The following KCNN2 variants were observed in gnomAD, a reference collection of about 807,000 sequenced individuals.
KCNN2 encodes small conductance calcium-activated potassium channel protein 2.
KCNN2 carries 24 observed loss-of-function variants against 55.5 expected under a neutral mutation model. That is an observed-to-expected ratio of 0.43 (90% CI 0.31 to 0.61). KCNN2 has a LOEUF of 0.61. Among genes scored for constraint, KCNN2 ranks in the 20% least tolerant of loss-of-function variants. The pLI, the probability that KCNN2 is intolerant of heterozygous loss-of-function variation, is 0.08. For synonymous variants in KCNN2, 431 were observed against 336.1 expected (o/e 1.28, Z -3.09); for missense variants, 754 against 853.6 (o/e 0.88, Z 1.45).
chr5:114,475,173 A>G (rs1294859469), intron 5 of KCNN2, among the ~76,000 whole-genome samples: 1 of 152,122 alleles, frequency 6.6e-6, no homozygotes, highest in Non-Finnish European at 1.5e-5. Context: ...TATGAAGTTC[A>G]CCGAGGTCAA....
intron 2 of KCNN2, among the ~76,000 whole-genome samples, chr5:114,226,228 A>G (rs553810203): frequency 6.6e-6 from 1 of 152,326 alleles, no homozygotes; most frequent in Admixed American, 6.5e-5. Flanking sequence ...ATACTCCTTT[A>G]GAGTGTTTTA....
At chr5:114,259,261 C>G (rs72799607) in intron 2 of KCNN2, among the ~76,000 whole-genome samples, 1 of 152,158 alleles carries the variant, frequency 6.6e-6, no homozygotes, top group Non-Finnish European at 1.5e-5. Flanking sequence ...AGGAACATCA[C>G]TCCCCAAGAG....
At chr5:114,454,546 T>G (rs984732000) in intron 3 of KCNN2, among the ~76,000 whole-genome samples, 1 of 152,188 alleles carries the variant, frequency 6.6e-6, no homozygotes, top group African/African-American at 2.4e-5. Context: ...ATTCTTTCTC[T>G]GTATTATCAA....
intron 3 of KCNN2, among the ~76,000 whole-genome samples, chr5:114,420,805 C>T (rs936842941): frequency 6.6e-6 from 1 of 152,220 alleles, no homozygotes; most frequent in African/African-American, 2.4e-5. Flanking sequence ...TAGCTTTCCT[C>T]TCCCCACTTC....
At chr5:114,352,433 C>G (rs1367560795) in intron 2 of KCNN2, among the ~76,000 whole-genome samples, 1 of 137,374 alleles carries the variant, frequency 7.3e-6, no homozygotes, top group African/African-American at 2.6e-5. Flanking sequence ...AACTTCCACT[C>G]TAGTCTTCAT....
chr5:114,381,067 C>G (rs1758110445), intron 2 of KCNN2, among the ~76,000 whole-genome samples: 1 of 152,156 alleles, frequency 6.6e-6, no homozygotes, highest in Admixed American at 6.5e-5. Context: ...CTCCTTGGTT[C>G]ACGAAAAGCT....
intron 1 of KCNN2, among the ~76,000 whole-genome samples, chr5:114,147,639 A>C (rs1209807802): frequency 6.6e-6 from 1 of 152,208 alleles, no homozygotes; most frequent in Admixed American, 6.5e-5. Context: ...CTGCTGGTTC[A>C]GATAGACAGT....
chr5:114,426,891 G>A (rs1015993004), intron 3 of KCNN2, among the ~76,000 whole-genome samples: 1 of 152,118 alleles, frequency 6.6e-6, no homozygotes, highest in African/African-American at 2.4e-5. Flanking sequence ...ATTCTCTAAC[G>A]GAAGCATATA....
chr5:114,343,084 A>G (rs1757046226), intron 2 of KCNN2, among the ~76,000 whole-genome samples: 1 of 152,202 alleles, frequency 6.6e-6, no homozygotes, highest in Admixed American at 6.5e-5. Flanking sequence ...CAGTTGTCAC[A>G]TCTTCATTTC....
At chr5:114,376,660 C>T (rs1038691587) in intron 2 of KCNN2, among the ~76,000 whole-genome samples, 1 of 152,164 alleles carries the variant, frequency 6.6e-6, no homozygotes, top group Non-Finnish European at 1.5e-5. Context: ...GAATGATGAC[C>T]TGTACATTCA....
Position 114,329,314 on chromosome 5 carries a change from A to C in KCNN2, c.-184-31631A>C, listed in dbSNP as rs1024329801. Among the ~76,000 whole-genome samples the C allele has an allele frequency of 3.9e-5, 6 of 152,322 alleles. No homozygotes were observed. In the East Asian group the frequency reaches 1.2e-3, roughly 29 times the overall value. Reference sequence around the variant, plus strand: ...TGTGAGGGTGTTGCCAAAGAAGATTAACATTTGAGTCAGTGGACTGGGAGA... The same window carrying C: ...TGTGAGGGTGTTGCCAAAGAAGATTCACATTTGAGTCAGTGGACTGGGAGA... On this transcript the variant is annotated intron_variant, in intron 2 of 10. Transcript: ENST00000512097.
intron 3 of KCNN2, among the ~76,000 whole-genome samples, chr5:114,409,867 TTCTCTCTCTC>T (rs377480191): frequency 6.7e-6 from 1 of 150,004 alleles, no homozygotes; most frequent in African/African-American, 2.4e-5. Flanking sequence ...GTAATAAAAA[TTCTCTCTCTC>T]TCTCTCTCTC....
At chr5:114,462,573 CT>C (rs1372054708) in intron 3 of KCNN2, among the ~76,000 whole-genome samples, 1 of 152,162 alleles carries the variant, frequency 6.6e-6, no homozygotes, top group African/African-American at 2.4e-5. Context: ...CCCACTTGAA[CT>C]TACTTTGAAG....
intron 3 of KCNN2, among the ~76,000 whole-genome samples, chr5:114,427,113 A>G (rs338625): frequency 0.49 from 75,097 of 151,926 alleles, 20,427 homozygotes; most frequent in East Asian, 0.83. Context: ...AGCACTCACC[A>G]TGTTTCCTTT....
At chr5:114,205,103 A>G (rs1204545414) in intron 1 of KCNN2, among the ~76,000 whole-genome samples, 3 of 152,110 alleles carry the variant, frequency 2.0e-5, no homozygotes, top group African/African-American at 7.2e-5. Flanking sequence ...CTAATTCAAT[A>G]AGTCACTCCT....
intron 2 of KCNN2, among the ~76,000 whole-genome samples, chr5:114,324,915 T>C (rs1310433703): frequency 6.6e-6 from 1 of 152,158 alleles, no homozygotes; most frequent in Non-Finnish European, 1.5e-5. Flanking sequence ...AAAGAAAACA[T>C]AAATGGCCTT....
chr5:114,458,737 G>T (rs1761050031), intron 3 of KCNN2, among the ~76,000 whole-genome samples: 1 of 152,188 alleles, frequency 6.6e-6, no homozygotes, highest in Non-Finnish European at 1.5e-5. Context: ...AGATGTTCCT[G>T]GGATACAGAG....
chr5:114,442,692 A>T (rs1345005192), intron 3 of KCNN2, among the ~76,000 whole-genome samples: 1 of 152,204 alleles, frequency 6.6e-6, no homozygotes, highest in Non-Finnish European at 1.5e-5. Flanking sequence ...TCGGGTTTAC[A>T]GTCTAGGAGG....
intron 1 of KCNN2, among the ~76,000 whole-genome samples, chr5:114,193,559 A>C (rs1397568267): frequency 6.6e-6 from 1 of 152,202 alleles, no homozygotes; most frequent in African/African-American, 2.4e-5. Context: ...TAAAGGAGTT[A>C]CATAATGCAG....
Sources: gnomAD v4.1 joint callset for allele counts (sites outside exome capture counted in the v4.1 genomes callset) on GRCh38, gnomAD v4.1.1 for gene constraint, MANE v1.5 for transcripts, NCBI Gene and HGNC (gene_info 2026-07-23, HGNC 2026-07-21) for gene names.